TLE4: variants seen among roughly 807,000 people sequenced by gnomAD.
TLE4 encodes TLE family member 4, transcriptional corepressor.
Under a neutral mutation model 92.8 loss-of-function variants are expected in TLE4, and 8 were observed. The observed-to-expected ratio is 0.09, with a 90% CI of 0.05 to 0.16. The LOEUF (loss-of-function observed/expected upper bound fraction) is 0.16. TLE4 is among the 10% of genes least tolerant of loss of function. The probability of loss-of-function intolerance (pLI) is 1.00; values close to 1 mark genes in which losing one functional copy is unlikely to be tolerated. For synonymous variants in TLE4, 371 were observed against 374.1 expected, an observed-to-expected ratio of 0.99 and a Z score of 0.10; for missense variants, 675 against 997.6, an observed-to-expected ratio of 0.68 and a Z score of 4.36.
chr9:79,645,937 AT>A (rs1267839513), intron 6 of TLE4, among the ~76,000 whole-genome samples: 4 of 152,074 alleles, frequency 2.6e-5, no homozygotes, highest in African/African-American at 9.7e-5. Flanking sequence ...AGTGAGAAGA[AT>A]TTTGCCATGA....
At chr9:79,617,134 T>A (rs2049839706) in intron 5 of TLE4, among the ~76,000 whole-genome samples, 1 of 152,182 alleles carries the variant, frequency 6.6e-6, no homozygotes, top group Non-Finnish European at 1.5e-5. Context: ...CAAGGTAATA[T>A]TTCAAACGAG....
At chr9:79,709,998 T>G (rs1244521308) in intron 14 of TLE4, among the ~76,000 whole-genome samples, 1 of 152,236 alleles carries the variant, frequency 6.6e-6, no homozygotes, top group African/African-American at 2.4e-5. Context: ...AAAAGTCTGA[T>G]TATTATGTGC....
intron 8 of TLE4, among the ~76,000 whole-genome samples, chr9:79,680,565 T>C (rs1008873524): frequency 1.3e-5 from 2 of 152,324 alleles, no homozygotes; most frequent in African/African-American, 2.4e-5. Flanking sequence ...AATCATGTCA[T>C]CTGCAAACAG....
Position 79,573,779 on chromosome 9 carries a change from T to C in TLE4, c.136T>C (p.Tyr46His). 1 of 1,592,538 alleles carries C rather than the reference T, an allele frequency of 6.3e-7. No individual in the cohort carries two copies. The highest frequency in any genetic ancestry group is 8.6e-7 in the Non-Finnish European group (1 of 1,164,222). Residue 46 changes from tyrosine (Y) to histidine (H), a missense_variant, in exon 2 of 20, where the codon TAC (tyrosine) becomes CAC (histidine). Tyr to His is a moderately conservative substitution (Grantham distance 83). This residue lies in a region of TLE4 where 68 missense variants were observed against 141.2 expected (regional missense o/e 0.48). Coordinates refer to ENST00000376552, the MANE Select transcript of TLE4 (RefSeq NM_007005.6). ...KEEFQFLQAQYHSLKLECEKL... is the reference protein window; with the variant it reads ...KEEFQFLQAQHHSLKLECEKL... ...AGAGTTTCAGTTTTTACAGGCTCAATACCACAGGTAACGATATTGACTTTA... is the reference window on the plus strand; with the variant it reads ...AGAGTTTCAGTTTTTACAGGCTCAACACCACAGGTAACGATATTGACTTTA...
chr9:79,607,278 T>TA (rs1199658975), intron 4 of TLE4, among the ~76,000 whole-genome samples: 1 of 152,192 alleles, frequency 6.6e-6, no homozygotes, highest in Non-Finnish European at 1.5e-5. Context: ...ATTAGCCTTT[T>TA]GTCAGGTGGG....
At chr9:79,675,627 A>T (rs1444141804) in intron 8 of TLE4, among the ~76,000 whole-genome samples, 1 of 152,180 alleles carries the variant, frequency 6.6e-6, no homozygotes, top group Non-Finnish European at 1.5e-5. Flanking sequence ...ATGTGTAGGC[A>T]TTAACTATTT....
intron 6 of TLE4, among the ~76,000 whole-genome samples, chr9:79,646,778 C>T (rs552851679): frequency 1.3e-5 from 2 of 152,228 alleles, no homozygotes; most frequent in African/African-American, 4.8e-5. Context: ...CTTTTGGTGA[C>T]TTAATTTCAT....
intron 4 of TLE4, among the ~76,000 whole-genome samples, chr9:79,584,240 T>A (rs1022825816): frequency 1.3e-5 from 2 of 152,258 alleles, no homozygotes; most frequent in African/African-American, 4.8e-5. Flanking sequence ...GTGATGCTAC[T>A]GGCAGTCCAA....
At chr9:79,684,448 CATACTCTATT>C (rs1296087830) in intron 8 of TLE4, among the ~76,000 whole-genome samples, 1 of 151,886 alleles carries the variant, frequency 6.6e-6, no homozygotes, top group Non-Finnish European at 1.5e-5. Flanking sequence ...CATAGGCATG[CATACTCTATT>C]GTGAACTGTG....
At chr9:79,654,337 A>G (rs2059459483) in intron 8 of TLE4, among the ~76,000 whole-genome samples, 1 of 151,124 alleles carries the variant, frequency 6.6e-6, no homozygotes, top group Non-Finnish European at 1.5e-5. Flanking sequence ...ATTATTTGCC[A>G]TGTGAAAAAA....
intron 8 of TLE4, among the ~76,000 whole-genome samples, chr9:79,672,738 G>T (rs1484422319): frequency 6.6e-6 from 1 of 152,070 alleles, no homozygotes; most frequent in Non-Finnish European, 1.5e-5. Context: ...ATTTAAGAGG[G>T]ATTCACATTT....
At chr9:79,651,857 A>G (rs2059050735) in intron 6 of TLE4, among the ~76,000 whole-genome samples, 2 of 152,070 alleles carry the variant, frequency 1.3e-5, no homozygotes, top group South Asian at 4.1e-4. Flanking sequence ...AATTTTCTCA[A>G]TTTTCAGCTT....
chr9:79,587,023 G>T (rs1002482384), intron 4 of TLE4, among the ~76,000 whole-genome samples: 2 of 152,084 alleles, frequency 1.3e-5, no homozygotes, highest in African/African-American at 4.8e-5. Context: ...GTTGACTGTA[G>T]TCACTCTGTT....
rs1337968281 is a variant in TLE4, at chr9:79,708,754, G to A, written c.1231G>A (p.Ala411Thr). Residue 411 changes from alanine (A) to threonine (T), a missense_variant, in exon 13 of 20, where the codon GCT (alanine) becomes ACT (threonine). Ala to Thr is a moderately conservative substitution (Grantham distance 58). Transcript: ENST00000376552. ...GATGAGCGCAGCTGCTGCCGCCGCCGCTGCTGCTGCTGCCTATGGGAGATC... is the reference window on the plus strand; with the variant it reads ...GATGAGCGCAGCTGCTGCCGCCGCCACTGCTGCTGCTGCCTATGGGAGATC... ...PQMSAAAAAAAAAAAYGRSPV... is the reference protein window; with the variant it reads ...PQMSAAAAAATAAAAYGRSPV... 9 of 1,606,066 alleles carry A rather than the reference G, an allele frequency of 5.6e-6. No individual in the cohort carries two copies. Among genetic ancestry groups the A allele is most frequent in the Non-Finnish European group, 6.8e-6 (8 of 1,178,762 alleles).
intron 6 of TLE4, among the ~76,000 whole-genome samples, chr9:79,629,896 C>A (rs940002141): frequency 3.9e-5 from 6 of 152,160 alleles, no homozygotes; most frequent in African/African-American, 1.4e-4. Flanking sequence ...AAGGCACTTG[C>A]TGTTCTCTGT....
intron 4 of TLE4, among the ~76,000 whole-genome samples, chr9:79,587,020 G>A (rs2041283127): frequency 6.6e-6 from 1 of 152,094 alleles, no homozygotes; most frequent in Non-Finnish European, 1.5e-5. Context: ...ATTGTTGACT[G>A]TAGTCACTCT....
Position 79,678,414 on chromosome 9 carries a change from CT to C in TLE4, c.609+24348del, listed in dbSNP as rs144939013. On this transcript the variant is annotated intron_variant, in intron 8 of 19. Transcript: ENST00000376552. The stretch of plus-strand genomic sequence containing the variant: ...GACCTTTCCCTAATCCTAACTTCAT[CT>C]TTTTTTTTAAATCAGAGAAAAATAA... Among the ~76,000 whole-genome samples the C allele has an allele frequency of 5.3e-5, 8 of 151,130 alleles. No individual in the cohort carries two copies. In the East Asian group the frequency reaches 9.7e-4, roughly 18 times the overall value.
Position 79,595,246 on chromosome 9 carries a change from G to A in TLE4, c.253-17410G>A, listed in dbSNP as rs183401467. On this transcript the variant is annotated intron_variant, in intron 4 of 19. Coordinates refer to ENST00000376552, the MANE Select transcript of TLE4 (RefSeq NM_007005.6). ...TATCACCTAAAGTCTAAGGCAATAA[G>A]AAATTATAGTTTGCGATTGGGGAAT... Among the ~76,000 whole-genome samples, 273 of 152,312 alleles carry A rather than the reference G, an allele frequency of 1.8e-3. 1 individual carries two copies. The highest frequency in any genetic ancestry group is 2.8e-3 in the Non-Finnish European group (190 of 68,032).
At chr9:79,617,934 G>A (rs887891346) in intron 5 of TLE4, among the ~76,000 whole-genome samples, 3 of 152,184 alleles carry the variant, frequency 2.0e-5, no homozygotes, top group African/African-American at 7.2e-5. Flanking sequence ...TGTGAATTCG[G>A]TTCCTTTTAT....
Sources: gnomAD v4.1 joint callset for allele counts (sites outside exome capture counted in the v4.1 genomes callset) on GRCh38, gnomAD v4.1.1 for gene constraint, gnomAD v4.1.1 regional missense constraint, MANE v1.5 for transcripts, NCBI Gene and HGNC (gene_info 2026-07-23, HGNC 2026-07-21) for gene names.